Variants in UGT1A3 observed in about 807,000 individuals in gnomAD.
The protein encoded by UGT1A3 is UDP glucuronosyltransferase family 1 member A3, also known as UDP-glucuronosyltransferase 1A3.
In UGT1A3, 31 loss-of-function variants were observed where a neutral mutation model predicts 41.0. The ratio of observed to expected loss-of-function variants is 0.76; its 90% CI spans 0.57 to 1.02. The LOEUF is 1.02. Among genes scored for constraint, UGT1A3 ranks in the 50% least tolerant of loss-of-function variants. The probability of loss-of-function intolerance (pLI) is 0.00; values close to 1 mark genes in which losing one functional copy is unlikely to be tolerated. For missense variants in UGT1A3, 737 were observed against 671.0 expected, an observed-to-expected ratio of 1.10 and a Z score of -1.09; for synonymous variants, 262 against 257.6, an observed-to-expected ratio of 1.02 and a Z score of -0.17.
In UGT1A3 at chr2:233,755,021, G is replaced by A. The variant is rs1378604817; in HGVS notation, c.868-12013G>A. 6 of 1,305,166 alleles carry A rather than the reference G, an allele frequency of 4.6e-6. No individual in the cohort carries two copies. In the East Asian group the frequency reaches 2.8e-4, roughly 60 times the overall value. The allele number at this position is 1,305,166 out of a possible 1,614,324, so 80.8% of individuals were successfully genotyped here. A position where few individuals can be genotyped will look rare whatever the true frequency, so the allele number is the denominator to read the frequency against. Reference sequence around the variant, plus strand: ...TGAAGACCTACTCGAAGGGGTCCTTGAAGGGCCTGCCGCCTGCGCAGCCGC... The same window carrying A: ...TGAAGACCTACTCGAAGGGGTCCTTAAAGGGCCTGCCGCCTGCGCAGCCGC... On this transcript the variant is annotated intron_variant, in intron 1 of 4. Transcript: ENST00000482026.
At chr2:233,754,553 C>G (rs139007444) in intron 1 of UGT1A3, 1 of 387,854 alleles carries the variant, frequency 2.6e-6, no homozygotes, top group Non-Finnish European at 5.1e-6. Context: ...TACTTGGTGT[C>G]AATGGGGAGC....
At chr2:233,747,247 C>T in intron 1 of UGT1A3, 1 of 1,601,894 alleles carries the variant, frequency 6.2e-7, no homozygotes, top group Non-Finnish European at 8.5e-7. Context: ...CCTGCTGTGG[C>T]TGGCCACAGG....
intron 1 of UGT1A3, among the ~76,000 whole-genome samples, chr2:233,733,071 A>G (rs1267535040): frequency 6.6e-6 from 1 of 152,128 alleles, no homozygotes; most frequent in African/African-American, 2.4e-5. Context: ...TCTTTGTAGC[A>G]ATTGTGAATG....
chr2:233,765,466 T>C (rs1160830121), intron 1 of UGT1A3, among the ~76,000 whole-genome samples: 1 of 152,142 alleles, frequency 6.6e-6, no homozygotes, highest in Non-Finnish European at 1.5e-5. Context: ...AGGACATGGA[T>C]GAAGCTGGAA....
chr2:233,747,486 C>T, intron 1 of UGT1A3: 1 of 1,608,834 alleles, frequency 6.2e-7, no homozygotes, highest in Non-Finnish European at 8.5e-7. Flanking sequence ...ATTTGATCGC[C>T]TTGTGCTGGG....
chr2:233,769,069 T>C lies in UGT1A3; in HGVS notation c.1307+630T>C, dbSNP rs1362327235. On this transcript the variant is annotated intron_variant, in intron 4 of 4. Transcript: ENST00000482026. The surrounding 1 kb of genome is among the most constrained non-coding windows in gnomAD (Gnocchi z 4.4). ...CATAAGTTTCCTGCACAGAAAGAAA[T>C]ACTCCATTATAAGAAGCATAGTATC... is the stretch of plus-strand genomic sequence containing the variant. 1.3e-5 allele frequency among the ~76,000 whole-genome samples: 2 copies of C among 152,194 alleles called. No individual in the cohort carries two copies. Among genetic ancestry groups the C allele is most frequent in the Admixed American group, 6.5e-5 (1 of 15,280 alleles).
intron 4 of UGT1A3, 29 bp downstream of exon 4, chr2:233,768,468 T>C: frequency 6.2e-7 from 1 of 1,604,616 alleles, no homozygotes; most frequent in Non-Finnish European, 8.5e-7. Context: ...AAGAATACTT[T>C]GGTCATGGCA....
At chr2:233,755,984 T>G (rs1407833080) in intron 1 of UGT1A3, 1 of 152,244 alleles carries the variant, frequency 6.6e-6, no homozygotes, top group African/African-American at 2.4e-5. Flanking sequence ...TGGATTCTCA[T>G]GTCAGCTTCT....
intron 1 of UGT1A3, among the ~76,000 whole-genome samples, chr2:233,749,118 C>G (rs1694113620): frequency 6.6e-6 from 1 of 151,770 alleles, no homozygotes; most frequent in Non-Finnish European, 1.5e-5. Context: ...CTTTTTATGT[C>G]ATATTCACTG....
chr2:233,735,768 A>T (rs1170033276), intron 1 of UGT1A3, among the ~76,000 whole-genome samples: 1 of 152,144 alleles, frequency 6.6e-6, no homozygotes, highest in Non-Finnish European at 1.5e-5. Flanking sequence ...TTCACTTATG[A>T]AGCTTACTTT....
intron 3 of UGT1A3, 48 bp from the exon 4 acceptor site, chr2:233,768,172 G>C: frequency 6.2e-6 from 10 of 1,613,786 alleles, no homozygotes; most frequent in South Asian, 1.1e-5. Context: ...GTCCAGCTGT[G>C]AAACTCAGAG....
At chr2:233,768,164 C>A in intron 3 of UGT1A3, 56 bp from the exon 4 acceptor site, 1 of 1,613,412 alleles carries the variant, frequency 6.2e-7, no homozygotes, top group South Asian at 1.1e-5. Context: ...CTAGATGTGT[C>A]CAGCTGTGAA....
chr2:233,768,682 G>A (rs375377866), intron 4 of UGT1A3, among the ~76,000 whole-genome samples: 30 of 141,324 alleles, frequency 2.1e-4, no homozygotes, highest in South Asian at 1.6e-3. Flanking sequence ...CACCTCCCAC[G>A]TTCAAGCAGT....
At chr2:233,759,132 G>T (rs532304308) in intron 1 of UGT1A3, among the ~76,000 whole-genome samples, 5 of 152,204 alleles carry the variant, frequency 3.3e-5, no homozygotes, top group African/African-American at 9.7e-5. Context: ...CCTCTGGTAC[G>T]CAATGAAGGT....
In UGT1A3 at chr2:233,772,298, C is replaced by G; in HGVS notation, c.1344C>G (p.His448Gln). ...KENIMRLSSL[H>Q]KDRPVEPLDL... ...ACATCATGCGCCTCTCCAGCCTTCACAAGGACCGCCCGGTGGAGCCGCTGG... is the reference window on the plus strand; with the variant it reads ...ACATCATGCGCCTCTCCAGCCTTCAGAAGGACCGCCCGGTGGAGCCGCTGG... The change falls in exon 5 of 5, where the codon CAC becomes CAG. Residue 448 changes from histidine (H) to glutamine (Q), a missense_variant. By Grantham distance (24) the His-to-Gln change is conservative. Coordinates refer to ENST00000482026, the MANE Select transcript of UGT1A3 (RefSeq NM_019093.4). The G allele has an allele frequency of 1.9e-6, 3 of 1,614,234 alleles. No homozygotes were observed. The highest frequency in any genetic ancestry group is 8.5e-7 in the Non-Finnish European group (1 of 1,180,048).
At chr2:233,761,216 A>T in intron 1 of UGT1A3, 2 of 1,613,736 alleles carry the variant, frequency 1.2e-6, no homozygotes, top group Non-Finnish European at 1.7e-6. Flanking sequence ...TGGATCGATT[A>T]ACTAGCCCCA....
At chr2:233,742,458 C>T (rs1691985678) in intron 1 of UGT1A3, among the ~76,000 whole-genome samples, 1 of 151,914 alleles carries the variant, frequency 6.6e-6, no homozygotes, top group African/African-American at 2.4e-5. Context: ...GTTCCTTGCC[C>T]TTATTCCAGT....
intron 1 of UGT1A3, among the ~76,000 whole-genome samples, chr2:233,751,378 C>A (rs1694710024): frequency 2.0e-5 from 3 of 152,054 alleles, no homozygotes; most frequent in Non-Finnish European, 2.9e-5. Context: ...AAGGGACTTG[C>A]CTTGTCTCAG....
chr2:233,729,966 C>G lies in UGT1A3; in HGVS notation c.840C>G (p.Asn280Lys). 1 of 1,614,088 alleles carries G rather than the reference C, an allele frequency of 6.2e-7. No individual in the cohort carries two copies. Among genetic ancestry groups the G allele is most frequent in the Non-Finnish European group, 8.5e-7 (1 of 1,179,926 alleles). The change falls in exon 1 of 5, where the codon AAC becomes AAG. Residue 280 changes from asparagine (N) to lysine (K), a missense_variant. Coordinates refer to ENST00000482026, the MANE Select transcript of UGT1A3 (RefSeq NM_019093.4). ...ACATGGTCTTCATTGGGGGCATCAACTGTGCCAACAGGAAGCCACTATCTC... is the reference window on the plus strand; with the variant it reads ...ACATGGTCTTCATTGGGGGCATCAAGTGTGCCAACAGGAAGCCACTATCTC... ...MPNMVFIGGINCANRKPLSQE... is the reference protein window; with the variant it reads ...MPNMVFIGGIKCANRKPLSQE...
Sources: allele counts gnomAD v4.1 joint callset (sites outside exome capture counted in the v4.1 genomes callset), GRCh38; gene constraint gnomAD v4.1.1; non-coding constraint Gnocchi (gnomAD v3.1); transcripts MANE v1.5; gene names NCBI Gene and HGNC (gene_info 2026-07-23, HGNC 2026-07-21).